HLCS: variants seen among roughly 807,000 people sequenced by gnomAD.
HLCS encodes holocarboxylase synthetase.
A neutral mutation model predicts 75.0 loss-of-function variants in HLCS; 53 were observed. The ratio of observed to expected loss-of-function variants is 0.71; its 90% CI spans 0.57 to 0.89. The LOEUF is 0.89. Ranked by LOEUF, HLCS falls within the 40% of genes least tolerant of loss-of-function variation. The probability of loss-of-function intolerance (pLI) is 0.00; values close to 1 mark genes in which losing one functional copy is unlikely to be tolerated. For missense variants in HLCS, 966 were observed against 1,074.0 expected, an observed-to-expected ratio of 0.90 and a Z score of 1.41; for synonymous variants, 431 against 428.6, an observed-to-expected ratio of 1.01 and a Z score of -0.07.
rs374646852 is a variant in HLCS at position 36,897,140 on chromosome 21, T to A, written c.1621-9A>T. On this transcript the variant is annotated splice_polypyrimidine_tract_variant and intron_variant, in intron 5 of 10. Coordinates refer to ENST00000674895, the MANE Select transcript of HLCS (RefSeq NM_001352514.2). Reference sequence around the variant, plus strand: ...AGAGGATCCCTGATTTCCTGTGTCATAAAGAAAGAAATGAGATGGTCGTAA... The same window carrying A: ...AGAGGATCCCTGATTTCCTGTGTCAAAAAGAAAGAAATGAGATGGTCGTAA... 6.2e-7 allele frequency: 1 copy of A among 1,614,104 alleles called. No homozygotes were observed. Among genetic ancestry groups the A allele is most frequent in the Non-Finnish European group, 8.5e-7 (1 of 1,179,996 alleles).
chr21:36,860,546 GTAATT>G (rs1268819662), intron 6 of HLCS, among the ~76,000 whole-genome samples: 1 of 152,160 alleles, frequency 6.6e-6, no homozygotes, highest in Non-Finnish European at 1.5e-5. Flanking sequence ...GAAATGCACT[GTAATT>G]TAATATTAAT....
intron 6 of HLCS, among the ~76,000 whole-genome samples, chr21:36,892,956 T>C (rs1381658748): frequency 6.6e-6 from 1 of 152,156 alleles, no homozygotes; most frequent in Non-Finnish European, 1.5e-5. Context: ...AATAGTTTCA[T>C]CAAAGTGATA....
At chr21:36,942,528 C>T (rs927848051) in intron 2 of HLCS, among the ~76,000 whole-genome samples, 7 of 151,258 alleles carry the variant, frequency 4.6e-5, no homozygotes, top group Non-Finnish European at 1.5e-5. Context: ...CTACAAAATT[C>T]AGAGAAGGAA....
intron 6 of HLCS, among the ~76,000 whole-genome samples, chr21:36,889,725 CCAGACA>C (rs755033292): frequency 2.0e-5 from 3 of 152,138 alleles, no homozygotes; most frequent in African/African-American, 4.8e-5. Context: ...GTTCACTGTC[CCAGACA>C]CAGACACAGA....
chr21:36,876,227 A>G (rs2063970657), intron 6 of HLCS, among the ~76,000 whole-genome samples: 1 of 152,170 alleles, frequency 6.6e-6, no homozygotes, highest in Admixed American at 6.5e-5. Context: ...GGGCTGAATG[A>G]GCCCAGCAGG....
intron 6 of HLCS, among the ~76,000 whole-genome samples, chr21:36,792,332 G>A (rs780969117): frequency 1.3e-5 from 2 of 152,056 alleles, no homozygotes; most frequent in Non-Finnish European, 2.9e-5. Context: ...GTGTGTCACT[G>A]TTATCAGTGG....
intron 1 of HLCS, among the ~76,000 whole-genome samples, chr21:36,966,028 G>A (rs2068553886): frequency 6.6e-6 from 1 of 152,218 alleles, no homozygotes; most frequent in Non-Finnish European, 1.5e-5. Context: ...CCAGAGTGCA[G>A]GGATTACAGG....
rs745699983 is a variant in HLCS at position 36,936,947 on chromosome 21, G to C, written c.939C>G (p.Leu313=). Residue 313 remains leucine, a synonymous_variant, in exon 4 of 11, where the codon CTC becomes CTG. Transcript: ENST00000674895. ...CTTCCTGGGAGTCGGAGCCCACATA[G>C]AGGAGGATGTTGGGTGCCTTTCCCG... is the stretch of plus-strand genomic sequence containing the variant. The part of the protein sequence containing the change: ...NLTGKAPNIL[L]YVGSDSQEAL... The C allele has an allele frequency of 5.0e-6, 8 of 1,614,050 alleles. No homozygotes were observed. Among genetic ancestry groups the C allele is most frequent in the Admixed American group, 1.7e-5 (1 of 59,996 alleles).
chr21:36,919,688 C>G (rs1754359405), intron 5 of HLCS, among the ~76,000 whole-genome samples: 1 of 152,088 alleles, frequency 6.6e-6, no homozygotes, highest in Non-Finnish European at 1.5e-5. Context: ...TCTGAGGCTG[C>G]TATATAGTGT....
intron 6 of HLCS, among the ~76,000 whole-genome samples, chr21:36,855,519 C>A (rs1486405626): frequency 8.5e-6 from 1 of 117,912 alleles, no homozygotes; most frequent in Non-Finnish European, 1.6e-5. Flanking sequence ...GCCTGGGCAA[C>A]AGAGCAAGAC....
chr21:36,816,395 CAA>C (rs34407031), intron 6 of HLCS, among the ~76,000 whole-genome samples: 19 of 142,034 alleles, frequency 1.3e-4, no homozygotes, highest in African/African-American at 1.8e-4. Flanking sequence ...GACCCTATCT[CAA>C]AAAAAAAAAA....
intron 6 of HLCS, among the ~76,000 whole-genome samples, chr21:36,888,441 A>T (rs1280409489): frequency 6.3e-5 from 2 of 31,546 alleles, no homozygotes; most frequent in African/African-American, 2.1e-4. Flanking sequence ...TTAAAAAAAA[A>T]AAAAATATAT....
At chr21:36,979,544 G>T (rs1275791036) in intron 1 of HLCS, among the ~76,000 whole-genome samples, 3 of 152,138 alleles carry the variant, frequency 2.0e-5, no homozygotes, top group Non-Finnish European at 4.4e-5. Context: ...TGCTTTGCAG[G>T]TCAATTTGTG....
At chr21:36,784,814 AGTTCT>A (rs900248202) in intron 6 of HLCS, among the ~76,000 whole-genome samples, 12 of 152,236 alleles carry the variant, frequency 7.9e-5, no homozygotes, top group African/African-American at 2.9e-4. Context: ...CAAGTTCATC[AGTTCT>A]GTGCTATGTG....
chr21:36,857,197 C>T (rs1183610155), intron 6 of HLCS, among the ~76,000 whole-genome samples: 1 of 152,216 alleles, frequency 6.6e-6, no homozygotes, highest in Admixed American at 6.5e-5. Flanking sequence ...TTCAACATTG[C>T]CGTTTCAAAA....
At chr21:36,907,486 T>G (rs2065510214) in intron 5 of HLCS, among the ~76,000 whole-genome samples, 1 of 152,046 alleles carries the variant, frequency 6.6e-6, no homozygotes, top group South Asian at 2.1e-4. Context: ...TGAAACCCCA[T>G]CTCTACTAAA....
intron 5 of HLCS, among the ~76,000 whole-genome samples, chr21:36,917,245 C>CA (rs1245247853): frequency 6.6e-6 from 1 of 152,158 alleles, no homozygotes; most frequent in Non-Finnish European, 1.5e-5. Context: ...CATAAAGAAT[C>CA]AAAAAGCAAA....
At position 36,937,124 on chromosome 21, in the gene HLCS, G is replaced by A. The variant is rs775946159; in HGVS notation, c.762C>T (p.His254=). The A allele has an allele frequency of 3.4e-5, 55 of 1,613,990 alleles. No homozygotes were observed. Among genetic ancestry groups the A allele is most frequent in the Non-Finnish European group, 4.4e-5 (52 of 1,180,036 alleles). The stretch of plus-strand genomic sequence containing the variant: ...TGCTGTTCTCAAGTTCCAGACACTC[G>A]TGGCAACTAGACAGATGGAGGTGAT... ...EHYHLHLSSC[H]ECLELENSTI... The change falls in exon 4 of 11, where the codon CAC becomes CAT. Residue 254 remains histidine (H), a synonymous_variant. Transcript: ENST00000674895.
At chr21:36,981,548 C>A (rs191839450) in intron 1 of HLCS, among the ~76,000 whole-genome samples, 13 of 151,862 alleles carry the variant, frequency 8.6e-5, no homozygotes, top group African/African-American at 2.9e-4. Context: ...TACAGGCGCC[C>A]GCCACCATGT....
Sources: gnomAD v4.1 joint callset for allele counts (sites outside exome capture counted in the v4.1 genomes callset) on GRCh38, gnomAD v4.1.1 for gene constraint, MANE v1.5 for transcripts, NCBI Gene and HGNC (gene_info 2026-07-23, HGNC 2026-07-21) for gene names.